CEP63: variants seen among roughly 807,000 people sequenced by gnomAD.
CEP63 encodes centrosomal protein 63.
CEP63 carries 84 observed loss-of-function variants against 89.1 expected under a neutral mutation model. The observed-to-expected ratio is 0.94, with a 90% CI of 0.79 to 1.13. The LOEUF (loss-of-function observed/expected upper bound fraction) is 1.13, where lower values mean the gene tolerates loss of function less well. Ranked by LOEUF, CEP63 falls within the 50% of genes most tolerant of loss-of-function variation. The pLI, the probability that CEP63 is intolerant of heterozygous loss-of-function variation, is 0.00. For missense variants in CEP63, 838 were observed against 813.3 expected (o/e 1.03, Z -0.37); for synonymous variants, 267 against 272.5 (o/e 0.98, Z 0.20).
In CEP63 at chr3:134,573,290, G is replaced by A. The variant is rs111762582; in HGVS notation, c.1330-1503G>A. ...CTTGTCAATTTTTGTTTTTGTTGCC[G>A]TTGCTTTTGGGGACTTAGTCATAAA... On this transcript the variant is annotated intron_variant, in intron 11 of 11. Transcript: ENST00000354446. Among the ~76,000 whole-genome samples, 970 of 152,202 alleles carry A rather than the reference G, an allele frequency of 6.4e-3. 6 individuals carry two copies. The highest frequency in any genetic ancestry group is 0.022 in the African/African-American group (925 of 41,528).
the CEP63 span, among the ~76,000 whole-genome samples, chr3:134,665,652 GACACAC>G: frequency 0.15 from 14,675 of 95,460 alleles, 1,186 homozygotes; most frequent in South Asian, 0.19. Context: ...GGAAACAGAG[GACACAC>G]ACACACACAC....
chr3:134,581,191 A>G (rs1203915766), intron 10 of CEP63, among the ~76,000 whole-genome samples: 1 of 152,228 alleles, frequency 6.6e-6, no homozygotes, highest in Non-Finnish European at 1.5e-5. Flanking sequence ...CTCATTTTGT[A>G]CTTTTGAATA....
At chr3:134,647,553 C>T in the CEP63 span, 5 of 1,083,076 alleles carry the variant, frequency 4.6e-6, no homozygotes, top group East Asian at 4.8e-5. Context: ...GAGTGATGTA[C>T]CAGTTGCAGA....
intron 9 of CEP63, 115 bp from the exon 10 acceptor site, chr3:134,548,947 A>T (rs768280772): frequency 1.3e-5 from 9 of 698,108 alleles, no homozygotes; most frequent in Non-Finnish European, 2.4e-5. Flanking sequence ...GACTGAGGTG[A>T]TGTTTAAGAT....
At chr3:134,650,422 G>A in the CEP63 span, among the ~76,000 whole-genome samples, 2 of 152,260 alleles carry the variant, frequency 1.3e-5, no homozygotes, top group South Asian at 2.1e-4. Context: ...GTTTCCCAGC[G>A]TCCCCTGTGC....
the CEP63 span, among the ~76,000 whole-genome samples, chr3:134,724,944 T>C: frequency 2.1e-4 from 32 of 152,304 alleles, no homozygotes; most frequent in African/African-American, 6.0e-4. Flanking sequence ...AAAAAAGCTT[T>C]TCTAAACTCT....
downstream of CEP63, among the ~76,000 whole-genome samples, chr3:134,578,059 T>C (rs148445579): frequency 5.4e-4 from 83 of 152,358 alleles, no homozygotes; most frequent in Non-Finnish European, 5.9e-5. Context: ...TCTTTGCTAT[T>C]GTAAACAGTG....
intron 5 of CEP63, among the ~76,000 whole-genome samples, chr3:134,533,658 A>C (rs553585965): frequency 1.3e-5 from 2 of 152,308 alleles, no homozygotes; most frequent in South Asian, 4.1e-4. Flanking sequence ...GGACATAAGA[A>C]TTCCCAGGGT....
the CEP63 span, among the ~76,000 whole-genome samples, chr3:134,751,965 A>G: frequency 5.3e-5 from 8 of 152,106 alleles, no homozygotes; most frequent in Non-Finnish European, 1.0e-4. Flanking sequence ...CTGCGTTCCT[A>G]GAAGATGGAG....
At chr3:134,621,955 TA>T in the CEP63 span, among the ~76,000 whole-genome samples, 6 of 151,632 alleles carry the variant, frequency 4.0e-5, no homozygotes, top group African/African-American at 9.7e-5. Flanking sequence ...AATAAGCACA[TA>T]AAAAAAAGCT....
chr3:134,686,944 T>C, the CEP63 span, among the ~76,000 whole-genome samples: 1 of 152,184 alleles, frequency 6.6e-6, no homozygotes, highest in Non-Finnish European at 1.5e-5. Context: ...TGCAGAAAAC[T>C]CCCTCCTCCA....
the CEP63 span, among the ~76,000 whole-genome samples, chr3:134,647,890 G>C: frequency 6.6e-6 from 1 of 152,166 alleles, no homozygotes; most frequent in Non-Finnish European, 1.5e-5. Context: ...GATATAGAGT[G>C]GGGGGAGTGG....
chr3:134,782,525 T>A, the CEP63 span, among the ~76,000 whole-genome samples: 1 of 152,194 alleles, frequency 6.6e-6, no homozygotes, highest in African/African-American at 2.4e-5. Context: ...ATCCATAACA[T>A]TATTTAATTT....
chr3:134,596,180 A>C, the CEP63 span, among the ~76,000 whole-genome samples: 1 of 152,140 alleles, frequency 6.6e-6, no homozygotes, highest in African/African-American at 2.4e-5. Context: ...CATGGGGAAA[A>C]TTTGGAGCGG....
At chr3:134,584,194 C>T (rs1477009481) in intron 10 of CEP63, among the ~76,000 whole-genome samples, 1 of 152,140 alleles carries the variant, frequency 6.6e-6, no homozygotes, top group Non-Finnish European at 1.5e-5. Context: ...ATTGCCCTGG[C>T]CAGAACTTCC....
the CEP63 span, among the ~76,000 whole-genome samples, chr3:134,714,924 G>A: frequency 0.55 from 83,807 of 152,074 alleles, 24,638 homozygotes; most frequent in East Asian, 0.78. Context: ...CGGGCTAAAT[G>A]CCCAGGTAAA....
At chr3:134,612,686 C>T in the CEP63 span, among the ~76,000 whole-genome samples, 1 of 151,328 alleles carries the variant, frequency 6.6e-6, no homozygotes, top group African/African-American at 2.4e-5. Flanking sequence ...AAGCAGTGCC[C>T]CTGACACGAT....
chr3:134,567,200 C>CAATTACAAGACAATTCTTGTCAATTA (rs1957806003), downstream of CEP63, among the ~76,000 whole-genome samples: 2 of 150,280 alleles, frequency 1.3e-5, no homozygotes, highest in Non-Finnish European at 2.9e-5. Flanking sequence ...ACATGAATTG[C>CAATTACAAGACAATTCTTGTCAATTA]CCAGAATTGA....
the CEP63 span, among the ~76,000 whole-genome samples, chr3:134,684,304 C>T: frequency 6.6e-6 from 1 of 152,310 alleles, no homozygotes; most frequent in East Asian, 1.9e-4. Flanking sequence ...TTCTTTTCCG[C>T]TGAGATCATG....
Sources: gnomAD v4.1 joint callset for allele counts (sites outside exome capture counted in the v4.1 genomes callset) on GRCh38, gnomAD v4.1.1 for gene constraint, MANE v1.5 for transcripts, NCBI Gene and HGNC (gene_info 2026-07-23, HGNC 2026-07-21) for gene names.